Variants in PRIM1 observed in about 807,000 individuals in gnomAD.
PRIM1 encodes DNA primase small subunit.
A neutral mutation model predicts 60.2 loss-of-function variants in PRIM1; 38 were observed. The observed-to-expected ratio is 0.63, with a 90% CI of 0.49 to 0.83. The LOEUF is 0.83. Among genes scored for constraint, PRIM1 ranks in the 40% least tolerant of loss-of-function variants. The pLI, the probability that PRIM1 is intolerant of heterozygous loss-of-function variation, is 0.00. For missense variants in PRIM1, 388 were observed against 506.2 expected, an observed-to-expected ratio of 0.77 and a Z score of 2.24; for synonymous variants, 158 against 160.2, an observed-to-expected ratio of 0.99 and a Z score of 0.10.
rs1953871886 is a variant in PRIM1, at chr12:56,741,522, G to A, written c.895C>T (p.Gln299Ter). 1.2e-6 allele frequency: 2 copies of A among 1,613,448 alleles called. No individual in the cohort carries two copies. Among genetic ancestry groups the A allele is most frequent in the Non-Finnish European group, 8.5e-7 (1 of 1,179,666 alleles). The change falls in exon 9 of 13, where the codon CAG becomes TAG. Residue 299 changes from glutamine to a stop codon, truncating the protein, a stop_gained. Transcript: ENST00000338193. LOFTEE classifies it high-confidence loss of function. ...GPWLEWEIML[Q>*]YCFPRLDINV... Reference sequence around the variant, plus strand: ...ATATCCAGCCGTGGAAAACAGTACTGGAGCATAATCTCCCACTCCAGCCAG... The same window carrying A: ...ATATCCAGCCGTGGAAAACAGTACTAGAGCATAATCTCCCACTCCAGCCAG...
intron 8 of PRIM1, 81 bp downstream of exon 8, chr12:56,741,665 C>A: frequency 6.3e-7 from 1 of 1,582,216 alleles, no homozygotes; most frequent in Non-Finnish European, 8.6e-7. Context: ...CTTCAACCAT[C>A]TTTAACTGAC....
At chr12:56,748,845 T>C (rs1474765337) in intron 2 of PRIM1, among the ~76,000 whole-genome samples, 1 of 151,768 alleles carries the variant, frequency 6.6e-6, no homozygotes, top group Non-Finnish European at 1.5e-5. Context: ...TAATCCCAGC[T>C]ACCCGGGAAG....
chr12:56,745,960 T>G, intron 5 of PRIM1, 85 bp downstream of exon 5: 1 of 1,356,042 alleles, frequency 7.4e-7, no homozygotes. Context: ...AAAAAGATAG[T>G]TTCATTTTCT....
intron 6 of PRIM1, 59 bp from the exon 7 acceptor site, chr12:56,743,155 A>T: frequency 7.0e-7 from 1 of 1,425,344 alleles, no homozygotes; most frequent in Non-Finnish European, 9.1e-7. Context: ...TATGCCACAT[A>T]GGTATTGCTG....
At chr12:56,738,005 G>A (rs1164005464) in intron 11 of PRIM1, among the ~76,000 whole-genome samples, 2 of 152,220 alleles carry the variant, frequency 1.3e-5, no homozygotes, top group East Asian at 3.8e-4. Context: ...GATTACAGGC[G>A]TGAGCCACTG....
chr12:56,740,215 C>T (rs1285946248), intron 9 of PRIM1, among the ~76,000 whole-genome samples: 4 of 152,024 alleles, frequency 2.6e-5, no homozygotes, highest in African/African-American at 9.7e-5. Flanking sequence ...CCCAGTTGCT[C>T]TTATCCCTAC....
intron 6 of PRIM1, 122 bp downstream of exon 6, chr12:56,743,939 CAATT>C: frequency 3.1e-6 from 2 of 652,296 alleles, no homozygotes; most frequent in Non-Finnish European, 5.2e-6. Flanking sequence ...AATAGGCACT[CAATT>C]AACCATAGCT....
rs1338168280 is a variant in PRIM1 at position 56,738,512 on chromosome 12, C to T, written c.1066G>A (p.Glu356Lys). 1 of 1,578,832 alleles carries T rather than the reference C, an allele frequency of 6.3e-7. No homozygotes were observed. The highest frequency in any genetic ancestry group is 8.6e-7 in the Non-Finnish European group (1 of 1,160,968). The change falls in exon 11 of 13, where the codon GAA becomes AAA. Residue 356 changes from glutamate (E) to lysine (K), a missense_variant. Glu to Lys is a moderately conservative substitution (Grantham distance 56, BLOSUM62 1). Around this residue, in one of 3 missense-constraint regions of PRIM1, gnomAD observed 211 missense variants for 277.9 expected, o/e 0.76. Coordinates refer to ENST00000338193, the MANE Select transcript of PRIM1 (RefSeq NM_000946.3). ...TVPTISFICR[E>K]LDAISTNEEE... ...TCATTAGTGGAAATGGCATCCAATTCACGGCAGATGAAGCTGCAAGTAACA... is the reference window on the plus strand; with the variant it reads ...TCATTAGTGGAAATGGCATCCAATTTACGGCAGATGAAGCTGCAAGTAACA...
chr12:56,739,282 T>A lies in PRIM1; in HGVS notation c.1052+12A>T. The A allele has an allele frequency of 6.5e-7, 1 of 1,527,174 alleles. No homozygotes were observed. The highest frequency in any genetic ancestry group is 1.9e-5 in the Admixed American group (1 of 53,182). 94.6% of individuals were successfully genotyped at this position (1,527,174 alleles called of 1,614,324 possible). A position where few individuals can be genotyped will look rare whatever the true frequency, so the allele number is the denominator to read the frequency against. ...ATTACAAACAAGGAGTGATCAATGA[T>A]CTGAAACATACCTTATGGTCGGAAC... On this transcript the variant is annotated intron_variant, in intron 10 of 12. Coordinates refer to ENST00000338193, the MANE Select transcript of PRIM1 (RefSeq NM_000946.3).
At chr12:56,733,424 G>A (rs1953798609) in intron 12 of PRIM1, among the ~76,000 whole-genome samples, 1 of 151,258 alleles carries the variant, frequency 6.6e-6, no homozygotes, top group African/African-American at 2.5e-5. Flanking sequence ...ATCCCAAAGT[G>A]CTGGGATTAC....
chr12:56,739,915 G>A (rs1350652886), intron 9 of PRIM1, among the ~76,000 whole-genome samples: 1 of 152,020 alleles, frequency 6.6e-6, no homozygotes, highest in African/African-American at 2.4e-5. Flanking sequence ...GAGGAGGGTG[G>A]ATCACAAGGT....
At position 56,744,071 on chromosome 12, in the gene PRIM1, A is replaced by G. The variant is rs759226137; in HGVS notation, c.632T>C (p.Phe211Ser). The change falls in exon 6 of 13, where the codon TTT (phenylalanine) becomes TCT (serine). Residue 211 changes from phenylalanine to serine, a missense_variant. Coordinates refer to ENST00000338193, the MANE Select transcript of PRIM1 (RefSeq NM_000946.3). Reference protein sequence around the residue: ...KVHLSEKIHPFIRKSINIIKK... With the variant: ...KVHLSEKIHPSIRKSINIIKK... Reference sequence around the variant, plus strand: ...GGAGACTTTTCCAACAGACCTGATAAAAGGGTGAATTTTTTCACTTAGGTG... The same window carrying G: ...GGAGACTTTTCCAACAGACCTGATAGAAGGGTGAATTTTTTCACTTAGGTG... The G allele has an allele frequency of 3.2e-6, 5 of 1,571,872 alleles. No individual in the cohort carries two copies. In the South Asian group the frequency reaches 5.8e-5, roughly 18 times the overall value.
intron 7 of PRIM1, among the ~76,000 whole-genome samples, chr12:56,742,466 G>A (rs1275192254): frequency 6.6e-6 from 1 of 152,048 alleles, no homozygotes; most frequent in African/African-American, 2.4e-5. Context: ...CTATTTGGGA[G>A]GCTGAGGCAG....
chr12:56,751,274 GT>G lies in PRIM1; in HGVS notation c.104-80del, dbSNP rs886106837. The G allele has an allele frequency of 1.3e-3, 1,294 of 995,558 alleles. 1 individual carries two copies. Among genetic ancestry groups the G allele is most frequent in the African/African-American group, 5.3e-3 (308 of 58,406 alleles). 61.7% of individuals were successfully genotyped at this position (995,558 alleles called of 1,614,324 possible). A position where few individuals can be genotyped will look rare whatever the true frequency, so the allele number is the denominator to read the frequency against. ...GCATTATAATTTTAGCCAATGAGAA[GT>G]TTTTTTTTTCGGTGAGGGAATCTTG... On this transcript the variant is annotated intron_variant, in intron 1 of 12. Transcript: ENST00000338193.
intron 5 of PRIM1, among the ~76,000 whole-genome samples, chr12:56,745,425 CA>C (rs1953899457): frequency 6.6e-6 from 1 of 151,034 alleles, no homozygotes; most frequent in African/African-American, 2.4e-5. Context: ...CAAAACAAAA[CA>C]AAACAAAAAA....
At chr12:56,732,012 A>C (rs1262296672) in intron 12 of PRIM1, among the ~76,000 whole-genome samples, 1 of 152,212 alleles carries the variant, frequency 6.6e-6, no homozygotes, top group African/African-American at 2.4e-5. Context: ...GTGTCTACTG[A>C]GTAGAGCATT....
rs1263265769 is a variant in PRIM1 at position 56,734,254 on chromosome 12, T to G, written c.1145-9A>C. ...ACTGGTCTTCTTATAATCTAAATTATGAAGAATGTACATTATAATTAGCAT... is the reference window on the plus strand; with the variant it reads ...ACTGGTCTTCTTATAATCTAAATTAGGAAGAATGTACATTATAATTAGCAT... On this transcript the variant is annotated splice_polypyrimidine_tract_variant and intron_variant, in intron 11 of 12. Coordinates refer to ENST00000338193, the MANE Select transcript of PRIM1 (RefSeq NM_000946.3). The G allele has an allele frequency of 6.7e-7, 1 of 1,500,660 alleles. No homozygotes were observed. Among genetic ancestry groups the G allele is most frequent in the East Asian group, 2.3e-5 (1 of 44,208 alleles). The allele number at this position is 1,500,660 out of a possible 1,614,324, so 93.0% of individuals were successfully genotyped here.
At chr12:56,735,227 T>C (rs1953818261) in intron 11 of PRIM1, among the ~76,000 whole-genome samples, 1 of 151,890 alleles carries the variant, frequency 6.6e-6, no homozygotes, top group African/African-American at 2.4e-5. Context: ...GCCTCCTGAG[T>C]AGCTGGGACT....
At chr12:56,738,599 C>G in intron 10 of PRIM1, 74 bp from the exon 11 acceptor site, 3 of 1,473,356 alleles carry the variant, frequency 2.0e-6, no homozygotes, top group Non-Finnish European at 2.7e-6. Flanking sequence ...GTTGCCAGGC[C>G]GGAGTGTGGT....
Sources: allele counts gnomAD v4.1 joint callset (sites outside exome capture counted in the v4.1 genomes callset), GRCh38; gene constraint gnomAD v4.1.1; regional missense constraint gnomAD v4.1.1; transcripts MANE v1.5; gene names NCBI Gene and HGNC (gene_info 2026-07-23, HGNC 2026-07-21).